Variants in TRIM34 observed in about 807,000 individuals in gnomAD.
TRIM34 encodes tripartite motif containing 34.
Under a neutral mutation model 38.1 loss-of-function variants are expected in TRIM34, and 41 were observed. That is an observed-to-expected ratio of 1.08 (90% CI 0.84 to 1.40). The LOEUF (loss-of-function observed/expected upper bound fraction) is 1.40. TRIM34 is among the 40% of genes most tolerant of loss of function. The probability of loss-of-function intolerance (pLI) is 0.00; values close to 1 mark genes in which losing one functional copy is unlikely to be tolerated. For missense variants in TRIM34, 556 were observed against 571.4 expected (o/e 0.97, Z 0.27); for synonymous variants, 200 against 202.5 (o/e 0.99, Z 0.10).
intron 6 of TRIM34, 149 bp downstream of exon 6, chr11:5,642,655 A>G: frequency 7.3e-7 from 1 of 1,378,164 alleles, no homozygotes; most frequent in East Asian, 2.5e-5. Context: ...GGATGCATTT[A>G]TATGTAAGGA....
At chr11:5,641,223 G>A (rs1416398339) in intron 5 of TRIM34, 34 bp downstream of exon 5, 3 of 1,613,622 alleles carry the variant, frequency 1.9e-6, no homozygotes, top group Non-Finnish European at 1.7e-6. Flanking sequence ...GTGCTTGTGA[G>A]TTATAAAGAA....
At chr11:5,634,886 A>C in intron 4 of TRIM34, 25 bp downstream of exon 4, 1 of 1,604,268 alleles carries the variant, frequency 6.2e-7, no homozygotes, top group Middle Eastern at 1.9e-4. Flanking sequence ...TCAATCTGAG[A>C]TTCTGGGAAC....
intron 6 of TRIM34, 123 bp downstream of exon 6, chr11:5,642,629 T>G: frequency 7.1e-7 from 1 of 1,407,090 alleles, no homozygotes; most frequent in Non-Finnish European, 9.5e-7. Context: ...GAATAAGGAA[T>G]ATTCTGTGGT....
In TRIM34 at chr11:5,632,500, C is replaced by T; in HGVS notation, c.169C>T (p.Pro57Ser). Residue 57 changes from proline to serine, a missense_variant, in exon 2 of 8, where the codon CCT becomes TCT. Physicochemically the swap from Pro to Ser is moderately conservative, Grantham distance 74. Transcript: ENST00000429814. ...VTSMGGKSSC[P>S]VCGISYSFEH... The stretch of plus-strand genomic sequence containing the variant: ...CAGCATGGGAGGAAAAAGCAGCTGT[C>T]CTGTGTGTGGTATCAGTTACTCATT... 6.2e-7 allele frequency: 1 copy of T among 1,613,960 alleles called. No homozygotes were observed. Among genetic ancestry groups the T allele is most frequent in the East Asian group, 2.2e-5 (1 of 44,854 alleles).
chr11:5,641,377 T>C (rs937533204), intron 5 of TRIM34, 188 bp downstream of exon 5: 17 of 1,374,104 alleles, frequency 1.2e-5, no homozygotes, highest in Non-Finnish European at 9.5e-6. Flanking sequence ...GACTCGATCC[T>C]ATGTTAGTAA....
chr11:5,632,116 A>T, intron 1 of TRIM34, 139 bp from the exon 2 acceptor site: 1 of 1,236,778 alleles, frequency 8.1e-7, no homozygotes, highest in Non-Finnish European at 1.1e-6. Context: ...CGCCCAGACC[A>T]CTTTCAGCCA....
intron 1 of TRIM34, among the ~76,000 whole-genome samples, chr11:5,630,945 A>C (rs1373282207): frequency 6.6e-6 from 1 of 152,228 alleles, no homozygotes; most frequent in African/African-American, 2.4e-5. Context: ...TAAACACATG[A>C]ATAATTGGCA....
rs144377091 is a variant in TRIM34 at position 5,643,622 on chromosome 11, T to C, written c.1380T>C (p.Ser460=). The C allele has an allele frequency of 1.8e-4, 286 of 1,614,180 alleles. No homozygotes were observed. The highest frequency in any genetic ancestry group is 3.7e-4 in the South Asian group (34 of 91,082). Residue 460 remains serine, a synonymous_variant, in exon 8 of 8, where the codon TCT becomes TCC. Coordinates refer to ENST00000429814, the MANE Select transcript of TRIM34 (RefSeq NM_021616.6). ...TSHGSLIYKF[S]KCCFSQPVYP... The stretch of plus-strand genomic sequence containing the variant: ...ATGGCTCCCTCATTTACAAGTTCTC[T>C]AAATGTTGCTTTTCTCAGCCTGTTT...
intron 7 of TRIM34, 51 bp downstream of exon 7, chr11:5,642,894 G>A (rs1445430292): frequency 4.3e-6 from 7 of 1,609,372 alleles, no homozygotes; most frequent in Non-Finnish European, 5.9e-6. Context: ...CCTTTCAGAA[G>A]TTTATGGTTT....
In TRIM34 at chr11:5,643,532, C is replaced by T; in HGVS notation, c.1290C>T (p.Pro430=). ...EVLTLSMAVP[P]CRVGVFLDYE... ...TGACTCTCTCCATGGCTGTGCCTCCCTGCCGTGTTGGGGTTTTCCTCGACT... is the reference window on the plus strand; with the variant it reads ...TGACTCTCTCCATGGCTGTGCCTCCTTGCCGTGTTGGGGTTTTCCTCGACT... Residue 430 remains proline, a synonymous_variant, in exon 8 of 8, where the codon CCC becomes CCT. Transcript: ENST00000429814. The T allele has an allele frequency of 6.2e-7, 1 of 1,614,178 alleles. No homozygotes were observed. The highest frequency in any genetic ancestry group is 1.3e-5 in the African/African-American group (1 of 75,036).
At chr11:5,632,822 CTTTTTTTTT>C in intron 2 of TRIM34, 68 bp downstream of exon 2, 2 of 982,822 alleles carry the variant, frequency 2.0e-6, no homozygotes, top group Non-Finnish European at 2.6e-6. Flanking sequence ...CCTTTTCATC[CTTTTTTTTT>C]TTTTTTTTTT....
chr11:5,625,242 A>G (rs1014997832), intron 1 of TRIM34, among the ~76,000 whole-genome samples, 182 bp downstream of exon 1: 1 of 152,226 alleles, frequency 6.6e-6, no homozygotes, highest in African/African-American at 2.4e-5. Context: ...GGGGAGGGAC[A>G]GCCTTGAAAG....
At position 5,632,381 on chromosome 11, in the gene TRIM34, T is replaced by C; in HGVS notation, c.50T>C (p.Ile17Thr). The change falls in exon 2 of 8, where the codon ATC (isoleucine) becomes ACC (threonine). Residue 17 changes from isoleucine to threonine, a missense_variant. Ile to Thr is a moderately conservative substitution (Grantham distance 89, BLOSUM62 -1). Coordinates refer to ENST00000429814, the MANE Select transcript of TRIM34 (RefSeq NM_021616.6). ...GTACAAGAGGAGGTGACCTGTCCCATCTGCCTGGAGCTGTTGACAGAACCC... is the reference window on the plus strand; with the variant it reads ...GTACAAGAGGAGGTGACCTGTCCCACCTGCCTGGAGCTGTTGACAGAACCC... ...LNVQEEVTCPICLELLTEPLS... is the reference protein window; with the variant it reads ...LNVQEEVTCPTCLELLTEPLS... 6.2e-7 allele frequency: 1 copy of C among 1,614,104 alleles called. No individual in the cohort carries two copies. Among genetic ancestry groups the C allele is most frequent in the Non-Finnish European group, 8.5e-7 (1 of 1,180,020 alleles).
intron 1 of TRIM34, among the ~76,000 whole-genome samples, chr11:5,631,169 T>C (rs1188032225): frequency 3.3e-5 from 5 of 152,200 alleles, no homozygotes; most frequent in Non-Finnish European, 7.3e-5. Context: ...TGGGTTCCTA[T>C]CAACCTCTGT....
intron 4 of TRIM34, among the ~76,000 whole-genome samples, chr11:5,637,799 T>G (rs543562567): frequency 9.0e-4 from 137 of 152,372 alleles, no homozygotes; most frequent in African/African-American, 3.1e-3. Context: ...TCTGTCTCTA[T>G]GACTTTGCCT....
intron 4 of TRIM34, among the ~76,000 whole-genome samples, chr11:5,637,940 C>T (rs561352687): frequency 6.6e-6 from 1 of 152,304 alleles, no homozygotes; most frequent in South Asian, 2.1e-4. Flanking sequence ...TATCCATTCC[C>T]CATTTTTCTG....
chr11:5,631,428 C>T (rs554820427), intron 1 of TRIM34, among the ~76,000 whole-genome samples: 2 of 152,230 alleles, frequency 1.3e-5, no homozygotes, highest in South Asian at 2.1e-4. Flanking sequence ...CTTTGTAAAT[C>T]ATTTAATTTT....
At chr11:5,642,957 T>G (rs1850081214) in intron 7 of TRIM34, 114 bp downstream of exon 7, 1 of 1,467,166 alleles carries the variant, frequency 6.8e-7, no homozygotes, top group Non-Finnish European at 9.2e-7. Context: ...TCCCAAAACA[T>G]TTGCTAAATA....
At chr11:5,639,252 G>T (rs1179414161) in intron 4 of TRIM34, among the ~76,000 whole-genome samples, 1 of 152,082 alleles carries the variant, frequency 6.6e-6, no homozygotes, top group East Asian at 1.9e-4. Context: ...TATAGTAAAG[G>T]GTTAAGGGAA....
Sources: gnomAD v4.1 joint callset for allele counts (sites outside exome capture counted in the v4.1 genomes callset) on GRCh38, gnomAD v4.1.1 for gene constraint, MANE v1.5 for transcripts, NCBI Gene and HGNC (gene_info 2026-07-23, HGNC 2026-07-21) for gene names.